Variants in MILR1 observed in about 807,000 individuals in gnomAD.
MILR1 encodes allergin-1.
A neutral mutation model predicts 18.5 loss-of-function variants in MILR1; 31 were observed. The observed-to-expected ratio is 1.68, with a 90% CI of 1.26 to 2.26. MILR1 has a LOEUF of 2.26. Ranked by LOEUF, MILR1 falls within the 30% of genes most tolerant of loss-of-function variation. The probability of loss-of-function intolerance (pLI) is 0.00; values close to 1 mark genes in which losing one functional copy is unlikely to be tolerated. For synonymous variants in MILR1, 85 were observed against 56.2 expected, an observed-to-expected ratio of 1.51 and a Z score of -2.30; for missense variants, 257 against 157.4, an observed-to-expected ratio of 1.63 and a Z score of -3.38.
At chr17:64,473,343 T>A (rs1598112379), downstream of MILR1, among the ~76,000 whole-genome samples, 1 of 132,226 alleles carries the variant, frequency 7.6e-6, no homozygotes. Flanking sequence ...AGAGGAAGGC[T>A]CCGTCTCAAA....
At position 64,467,643 on chromosome 17, in the gene MILR1, A is replaced by G. The variant is rs2037604860; in HGVS notation, c.*26A>G. The G allele has an allele frequency of 2.6e-6, 4 of 1,525,606 alleles. No homozygotes were observed. The highest frequency in any genetic ancestry group is 3.6e-6 in the Non-Finnish European group (4 of 1,116,972). 94.5% of individuals were successfully genotyped at this position (1,525,606 alleles called of 1,614,324 possible). A position where few individuals can be genotyped will look rare whatever the true frequency, so the allele number is the denominator to read the frequency against. ...AATTTACAGAAACAAACTACATCTC[A>G]GGGTAAGATGCTTTTTATGAAGCTG... is the stretch of plus-strand genomic sequence containing the variant. On this transcript the variant is annotated splice_region_variant and 3_prime_UTR_variant, in exon 9 of 10. Transcript: ENST00000619286.
At chr17:64,456,112 G>A (rs1598092315) in intron 3 of MILR1, among the ~76,000 whole-genome samples, 1 of 152,014 alleles carries the variant, frequency 6.6e-6, no homozygotes. Context: ...TCCCAACTCG[G>A]CCATTTACTA....
At chr17:64,465,918 A>G (rs1410219447) in intron 6 of MILR1, among the ~76,000 whole-genome samples, 1 of 152,124 alleles carries the variant, frequency 6.6e-6, no homozygotes, top group African/African-American at 2.4e-5. Flanking sequence ...TTTGCAGTAA[A>G]CAAGACCCAG....
chr17:64,450,621 AG>A (rs1349607932), intron 2 of MILR1, among the ~76,000 whole-genome samples: 1 of 152,030 alleles, frequency 6.6e-6, no homozygotes, highest in Non-Finnish European at 1.5e-5. Context: ...CTGGGATTAC[AG>A]GCACGTGCCA....
chr17:64,467,709 G>C (rs1369180698), intron 9 of MILR1, 64 bp downstream of exon 9: 5 of 989,544 alleles, frequency 5.1e-6, no homozygotes, highest in Non-Finnish European at 7.6e-6. Context: ...TGAGGCAGGT[G>C]GATTACTTGA....
rs974987028 is a variant in MILR1, at chr17:64,462,144, T to C, written c.763+1212T>C. ...GACTGCTTGTGAAAGATGTACTCGGTCCTGACTTTAAGAACTTGTGTTCCT... is the reference window on the plus strand; with the variant it reads ...GACTGCTTGTGAAAGATGTACTCGGCCCTGACTTTAAGAACTTGTGTTCCT... On this transcript the variant is annotated intron_variant, in intron 5 of 9. Transcript: ENST00000619286. 6.6e-5 allele frequency among the ~76,000 whole-genome samples: 10 copies of C among 152,122 alleles called. 1 individual carries two copies. The highest frequency in any genetic ancestry group is 3.8e-4 in the East Asian group (2 of 5,200).
At chr17:64,452,920 G>T (rs2144009110) in intron 3 of MILR1, 54 bp downstream of exon 3, 1 of 464,128 alleles carries the variant, frequency 2.2e-6, no homozygotes, top group East Asian at 3.1e-5. Flanking sequence ...GTGCTTTCTG[G>T]TTCTATGAGG....
chr17:64,482,384 C>T, the MILR1 span, among the ~76,000 whole-genome samples: 1 of 148,530 alleles, frequency 6.7e-6, no homozygotes, highest in Non-Finnish European at 1.5e-5. Flanking sequence ...TGCAGTGGTG[C>T]TATCTCAGCT....
chr17:64,479,189 T>G, the MILR1 span, among the ~76,000 whole-genome samples: 1 of 150,698 alleles, frequency 6.6e-6, no homozygotes, highest in South Asian at 2.1e-4. Flanking sequence ...AGGTGTTTTT[T>G]TTTTTTTTTT....
At chr17:64,455,597 G>A (rs1285386097) in intron 3 of MILR1, among the ~76,000 whole-genome samples, 3 of 149,712 alleles carry the variant, frequency 2.0e-5, no homozygotes, top group Non-Finnish European at 4.4e-5. Context: ...GGGACTACAG[G>A]CGCCTGCCAC....
the MILR1 span, chr17:64,490,485 G>A: frequency 8.3e-6 from 3 of 362,542 alleles, no homozygotes; most frequent in African/African-American, 2.1e-5. Context: ...GGTCACGCAA[G>A]ACAAGAGGAA....
the MILR1 span, chr17:64,491,926 G>GA: frequency 0.23 from 18,406 of 81,436 alleles, 1,304 homozygotes; most frequent in Admixed American, 0.29. Context: ...TGGTACTTGT[G>GA]AAAAAAAAAA....
the MILR1 span, among the ~76,000 whole-genome samples, chr17:64,489,798 T>G: frequency 6.7e-6 from 1 of 148,974 alleles, no homozygotes; most frequent in Non-Finnish European, 1.5e-5. Flanking sequence ...AAACCTCACA[T>G]TAGTAACTGA....
At chr17:64,492,546 GTATAA>G in the MILR1 span, 861 of 668,802 alleles carry the variant, frequency 1.3e-3, 5 homozygotes, top group African/African-American at 0.013. Flanking sequence ...TTTTGTATTT[GTATAA>G]TATATTAATA....
At chr17:64,473,352 A>C (rs1294142643), downstream of MILR1, among the ~76,000 whole-genome samples, 1 of 122,078 alleles carries the variant, frequency 8.2e-6, no homozygotes, top group Non-Finnish European at 1.6e-5. Flanking sequence ...CTCCGTCTCA[A>C]AAAAAAAAAA....
At chr17:64,480,817 A>T in the MILR1 span, among the ~76,000 whole-genome samples, 173 of 152,312 alleles carry the variant, frequency 1.1e-3, 1 homozygote, top group East Asian at 0.025. Context: ...AAGAGCCAGG[A>T]AAGAAAAAGG....
the MILR1 span, among the ~76,000 whole-genome samples, chr17:64,489,633 G>A: frequency 6.6e-6 from 1 of 151,946 alleles, no homozygotes; most frequent in African/African-American, 2.4e-5. Flanking sequence ...GGTGATACAT[G>A]CTTGTAGTCC....
downstream of MILR1, among the ~76,000 whole-genome samples, chr17:64,469,147 A>G (rs1433973688): frequency 6.6e-6 from 1 of 152,038 alleles, no homozygotes; most frequent in Non-Finnish European, 1.5e-5. Context: ...AAGGAAGGAA[A>G]GAGAGAAAAG....
intron 3 of MILR1, 59 bp downstream of exon 3, chr17:64,452,925 A>C (rs1199676388): frequency 2.2e-6 from 1 of 461,938 alleles, no homozygotes; most frequent in East Asian, 3.2e-5. Context: ...TTCTGGTTCT[A>C]TGAGGGGCTC....
Sources: allele counts gnomAD v4.1 joint callset (sites outside exome capture counted in the v4.1 genomes callset), GRCh38; gene constraint gnomAD v4.1.1; transcripts MANE v1.5; gene names NCBI Gene and HGNC (gene_info 2026-07-23, HGNC 2026-07-21).